The following CXCR4 variants were observed in gnomAD, a reference collection of about 807,000 sequenced individuals.
CXCR4 encodes the protein C-X-C motif chemokine receptor 4.
In CXCR4, 6 loss-of-function variants were observed where a neutral mutation model predicts 22.4. That is an observed-to-expected ratio of 0.27 (90% confidence interval 0.15 to 0.53). CXCR4 has a LOEUF of 0.53. Among genes scored for constraint, CXCR4 ranks in the 20% least tolerant of loss-of-function variants. The probability of loss-of-function intolerance (pLI) is 0.96; values close to 1 mark genes in which losing one functional copy is unlikely to be tolerated. For missense variants in CXCR4, 300 were observed against 430.4 expected, an observed-to-expected ratio of 0.70 and a Z score of 2.68; for synonymous variants, 155 against 171.7, an observed-to-expected ratio of 0.90 and a Z score of 0.76.
In CXCR4 at chr2:136,114,840, C is replaced by A; in HGVS notation, c.*29G>T. ...TGTAACTTAAAAAAAAGTTATTTAT[C>A]GTATAAAAAAAAGTCTTTTACATCT... On this transcript the variant is annotated 3_prime_UTR_variant, in exon 2 of 2. Transcript: ENST00000241393. 1 of 1,555,440 alleles carries A rather than the reference C, an allele frequency of 6.4e-7. No individual in the cohort carries two copies. The highest frequency in any genetic ancestry group is 1.2e-5 in the South Asian group (1 of 86,616).
At chr2:136,117,097 G>C (rs546662762) in intron 1 of CXCR4, among the ~76,000 whole-genome samples, 1 of 152,366 alleles carries the variant, frequency 6.6e-6, no homozygotes, top group South Asian at 2.1e-4. Flanking sequence ...ACTGGACTCG[G>C]AGAGAGCCAA....
In CXCR4 at chr2:136,116,197, A is replaced by G. The variant is rs553124006; in HGVS notation, c.16-285T>C. 821 of 1,341,340 alleles carry G rather than the reference A, an allele frequency of 6.1e-4. 5 individuals carry two copies. The African/African-American group carries it at 0.011, about 17-fold the overall frequency. 83.1% of individuals were successfully genotyped at this position (1,341,340 alleles called of 1,614,324 possible). On this transcript the variant is annotated intron_variant, in intron 1 of 1. Coordinates refer to ENST00000241393, the MANE Select transcript of CXCR4 (RefSeq NM_003467.3). ...GAGACGCTGAGGGTTTCAAAGTCAC[A>G]TCTTGGCTAACTCCTCTGCCCCGCC...
chr2:136,118,002 A>G, intron 1 of CXCR4, 44 bp downstream of exon 1: 1 of 1,608,462 alleles, frequency 6.2e-7, no homozygotes, highest in East Asian at 2.2e-5. Flanking sequence ...TCTAAGTTCA[A>G]ACGTTTGTAC....
At chr2:136,117,401 C>G (rs1684931932) in intron 1 of CXCR4, 2 of 152,480 alleles carry the variant, frequency 1.3e-5, no homozygotes, top group South Asian at 2.0e-4. Context: ...CAACTCCTAG[C>G]TGCTGCCACC....
intron 1 of CXCR4, among the ~76,000 whole-genome samples, chr2:136,116,825 A>G (rs1684908549): frequency 6.6e-6 from 1 of 152,086 alleles, no homozygotes; most frequent in Non-Finnish European, 1.5e-5. Flanking sequence ...GGAAGCCTCC[A>G]GGCGGTGGGC....
chr2:136,115,373 G>T lies in CXCR4; in HGVS notation c.555C>A (p.Ile185=). 1.9e-6 allele frequency: 3 copies of T among 1,614,208 alleles called. No homozygotes were observed. The highest frequency in any genetic ancestry group is 2.5e-6 in the Non-Finnish European group (3 of 1,180,040). The part of the protein sequence containing the change: ...ANVSEADDRY[I]CDRFYPNDLW... ...AGTCATTGGGGTAGAAGCGGTCACA[G>T]ATATATCTGTCATCTGCCTCACTGA... The change falls in exon 2 of 2, where the codon ATC becomes ATA. Residue 185 remains isoleucine, a synonymous_variant. Transcript: ENST00000241393. The surrounding 1 kb of genome is among the most constrained non-coding windows in gnomAD (Gnocchi z 6.4).
At chr2:136,117,359 T>C (rs1453140967) in intron 1 of CXCR4, among the ~76,000 whole-genome samples, 1 of 152,034 alleles carries the variant, frequency 6.6e-6, no homozygotes, top group Admixed American at 6.5e-5. Flanking sequence ...CGGGAAGGTT[T>C]TCCCCCTCAA....
At chr2:136,116,357 T>C in intron 1 of CXCR4, 1 of 446,934 alleles carries the variant, frequency 2.2e-6, no homozygotes, top group Admixed American at 5.6e-5. Context: ...AAGAAGTTTT[T>C]CGCCCAGGGA....
At position 136,114,720 on chromosome 2, in the gene CXCR4, A is replaced by G; in HGVS notation, c.*149T>C. 2.7e-6 allele frequency: 2 copies of G among 734,504 alleles called. No homozygotes were observed. 45.5% of individuals were successfully genotyped at this position (734,504 alleles called of 1,614,324 possible). On this transcript the variant is annotated 3_prime_UTR_variant, in exon 2 of 2. Transcript: ENST00000241393. The stretch of plus-strand genomic sequence containing the variant: ...AAAAAAAATTTATATAAATAAGTCA[A>G]TTAAACTTCACAAAAACTAAAGAAA...
chr2:136,116,958 G>A (rs1347722733), intron 1 of CXCR4, among the ~76,000 whole-genome samples: 2 of 152,252 alleles, frequency 1.3e-5, no homozygotes, highest in Admixed American at 6.5e-5. Context: ...GTCCCACAGG[G>A]TGCTGGGGAG....
chr2:136,115,054 A>T lies in CXCR4; in HGVS notation c.874T>A (p.Phe292Ile), dbSNP rs566813397. ...ATGGGGTTCAGACAACAGTGGAAGA[A>T]AGCTAGGGCCTCGGTGATGGAAATC... ...KWISITEALA[F>I]FHCCLNPILY... The change falls in exon 2 of 2, where the codon TTC becomes ATC. Residue 292 changes from phenylalanine (F) to isoleucine (I), a missense_variant. Physicochemically the swap from Phe to Ile is conservative, Grantham distance 21. Transcript: ENST00000241393. The surrounding 1 kb of genome is among the most constrained non-coding windows in gnomAD (Gnocchi z 6.4). 6.2e-7 allele frequency: 1 copy of T among 1,614,192 alleles called. No homozygotes were observed. The highest frequency in any genetic ancestry group is 8.5e-7 in the Non-Finnish European group (1 of 1,180,038).
rs530830500 is a variant in CXCR4, at chr2:136,114,814, G to A, written c.*55C>T. On this transcript the variant is annotated 3_prime_UTR_variant, in exon 2 of 2. Transcript: ENST00000241393. Reference sequence around the variant, plus strand: ...GGTCAGTCTTTTATATCTGAAAAATGTGTAACTTAAAAAAAAGTTATTTAT... The same window carrying A: ...GGTCAGTCTTTTATATCTGAAAAATATGTAACTTAAAAAAAAGTTATTTAT... 218 of 1,457,952 alleles carry A rather than the reference G, an allele frequency of 1.5e-4. 2 individuals carry two copies. In the South Asian group the frequency reaches 2.4e-3, roughly 16 times the overall value. The allele number at this position is 1,457,952 out of a possible 1,614,324, so 90.3% of individuals were successfully genotyped here. A position where few individuals can be genotyped will look rare whatever the true frequency, so the allele number is the denominator to read the frequency against.
chr2:136,115,745 C>T lies in CXCR4; in HGVS notation c.183G>A (p.Leu61=), dbSNP rs1641947845. The change falls in exon 2 of 2, where the codon CTG becomes CTA. Residue 61 remains leucine (L), a synonymous_variant. Coordinates refer to ENST00000241393, the MANE Select transcript of CXCR4 (RefSeq NM_003467.3). The surrounding 1 kb of genome is among the most constrained non-coding windows in gnomAD (Gnocchi z 6.4). ...TCAGTTTCTTCTGGTAACCCATGAC[C>T]AGGATGACCAATCCATTGCCCACAA... ...TGIVGNGLVI[L]VMGYQKKLRS... is the part of the protein sequence containing the mutation. 1 of 1,614,084 alleles carries T rather than the reference C, an allele frequency of 6.2e-7. No homozygotes were observed. The highest frequency in any genetic ancestry group is 1.3e-5 in the African/African-American group (1 of 74,918).
rs996129301 is a variant in CXCR4, at chr2:136,114,521, C to T, written c.*348G>A. ...ACGTCTTAAGAACAGGAAAAACGTT[C>T]CACGGGAATGGAGAGATTATCTATG... On this transcript the variant is annotated 3_prime_UTR_variant, in exon 2 of 2. Coordinates refer to ENST00000241393, the MANE Select transcript of CXCR4 (RefSeq NM_003467.3). 2.8e-5 allele frequency: 7 copies of T among 252,794 alleles called. 1 individual carries two copies. The highest frequency in any genetic ancestry group is 8.8e-5 in the African/African-American group (4 of 45,210). The allele number at this position is 252,794 out of a possible 1,614,324, so 15.7% of individuals were successfully genotyped here.
intron 1 of CXCR4, 169 bp from the exon 2 acceptor site, chr2:136,116,081 TCTC>T: frequency 1.3e-6 from 2 of 1,518,176 alleles, no homozygotes; most frequent in Admixed American, 2.2e-5. Flanking sequence ...ATCCTACAAC[TCTC>T]CTCCCCATCT....
chr2:136,115,604 T>C lies in CXCR4; in HGVS notation c.324A>G (p.Leu108=), dbSNP rs1684863069. The C allele has an allele frequency of 3.1e-6, 5 of 1,613,652 alleles. No homozygotes were observed. In the African/African-American group the frequency reaches 4.0e-5, roughly 13 times the overall value. ...AVANWYFGNF[L]CKAVHVIYTV... is the part of the protein sequence containing the mutation. ...TGTAGATGACATGGACTGCCTTGCATAGGAAGTTCCCAAAGTACCAGTTTG... is the reference window on the plus strand; with the variant it reads ...TGTAGATGACATGGACTGCCTTGCACAGGAAGTTCCCAAAGTACCAGTTTG... The change falls in exon 2 of 2, where the codon CTA becomes CTG. Residue 108 remains leucine (L), a synonymous_variant. Transcript: ENST00000241393. The surrounding 1 kb of genome is among the most constrained non-coding windows in gnomAD (Gnocchi z 6.4).
Position 136,115,416 on chromosome 2 carries a change from T to A in CXCR4, c.512A>T (p.Asp171Val), listed in dbSNP as rs2104917251. Residue 171 changes from aspartate to valine, a missense_variant, in exon 2 of 2, where the codon GAC becomes GTC. By Grantham distance (152) the Asp-to-Val change is radical. This residue lies in a region of CXCR4 where 137 missense variants were observed against 153.2 expected (regional missense o/e 0.89). Transcript: ENST00000241393. This position sits in a 1 kb window ranked among gnomAD's most constrained non-coding sequence, Gnocchi z 6.4. ...CTCACTGACGTTGGCAAAGATGAAG[T>A]CGGGAATAGTCAGCAGGAGGGCAGG... Reference protein sequence around the residue: ...WIPALLLTIPDFIFANVSEAD... With the variant: ...WIPALLLTIPVFIFANVSEAD... The A allele has an allele frequency of 6.2e-7, 1 of 1,614,048 alleles. No individual in the cohort carries two copies. The highest frequency in any genetic ancestry group is 8.5e-7 in the Non-Finnish European group (1 of 1,180,022).
Position 136,115,216 on chromosome 2 carries a change from G to A in CXCR4, c.712C>T (p.Leu238Phe), listed in dbSNP as rs1256938467. Residue 238 changes from leucine (L) to phenylalanine (F), a missense_variant, in exon 2 of 2, where the codon CTC (leucine) becomes TTC (phenylalanine). This residue lies in a region of CXCR4 where 137 missense variants were observed against 153.2 expected (regional missense o/e 0.89). Coordinates refer to ENST00000241393, the MANE Select transcript of CXCR4 (RefSeq NM_003467.3). The surrounding 1 kb of genome is among the most constrained non-coding windows in gnomAD (Gnocchi z 6.4). ...HSKGHQKRKA[L>F]KTTVILILAF... ...AGGATGAGGATGACTGTGGTCTTGA[G>A]GGCCTTGCGCTTCTGGTGGCCCTTG... The A allele has an allele frequency of 6.2e-7, 1 of 1,613,944 alleles. No individual in the cohort carries two copies. Among genetic ancestry groups the A allele is most frequent in the East Asian group, 2.2e-5 (1 of 44,892 alleles).
At chr2:136,117,898 C>A (rs1308844840) in intron 1 of CXCR4, 148 bp downstream of exon 1, 1 of 343,210 alleles carries the variant, frequency 2.9e-6, no homozygotes, top group African/African-American at 2.8e-5. Context: ...ACTATATAGG[C>A]ATGGTCAAGA....
Sources: allele counts gnomAD v4.1 joint callset (sites outside exome capture counted in the v4.1 genomes callset), GRCh38; gene constraint gnomAD v4.1.1; regional missense constraint gnomAD v4.1.1; non-coding constraint Gnocchi (gnomAD v3.1); transcripts MANE v1.5; gene names NCBI Gene and HGNC (gene_info 2026-07-23, HGNC 2026-07-21).